Variants in FHAD1 observed in about 807,000 individuals in gnomAD.
FHAD1 encodes forkhead associated phosphopeptide binding domain 1, also known as forkhead-associated domain-containing protein 1.
FHAD1 carries 146 observed loss-of-function variants against 191.3 expected under a neutral mutation model. The ratio of observed to expected loss-of-function variants is 0.76; its 90% confidence interval spans 0.67 to 0.88. The LOEUF is 0.88. Among genes scored for constraint, FHAD1 ranks in the 40% least tolerant of loss-of-function variants. The pLI is 0.00. For missense variants in FHAD1, 1,635 were observed against 1,785.8 expected (o/e 0.92, Z 1.52); for synonymous variants, 616 against 672.3 (o/e 0.92, Z 1.29).
chr1:15,351,724 T>A (rs1690945014), intron 19 of FHAD1, among the ~76,000 whole-genome samples: 1 of 152,052 alleles, frequency 6.6e-6, no homozygotes, highest in South Asian at 2.1e-4. Context: ...TGGGTGACCT[T>A]GTAGGACAGG....
chr1:15,349,239 AG>A lies in FHAD1; in HGVS notation c.2454+91del. ...CAGTGGGAAATCGGGCAGATATCAGAGCCATGCCTCCCTTTGAAGTGGCCAA... is the reference window on the plus strand; with the variant it reads ...CAGTGGGAAATCGGGCAGATATCAGACCATGCCTCCCTTTGAAGTGGCCAA... On this transcript the variant is annotated intron_variant, in intron 19 of 33. Coordinates refer to ENST00000688493, the MANE Select transcript of FHAD1 (RefSeq NM_001391957.1). 4.0e-6 allele frequency: 4 copies of A among 1,003,376 alleles called. No individual in the cohort carries two copies. In the South Asian group the frequency reaches 5.9e-5, roughly 15 times the overall value. The allele number at this position is 1,003,376 out of a possible 1,614,324, so 62.2% of individuals were successfully genotyped here. A position where few individuals can be genotyped will look rare whatever the true frequency, so the allele number is the denominator to read the frequency against.
intron 3 of FHAD1, among the ~76,000 whole-genome samples, chr1:15,279,577 A>G (rs1044277028): frequency 2.2e-5 from 3 of 138,314 alleles, no homozygotes; most frequent in African/African-American, 7.8e-5. Flanking sequence ...AAAAAAAAGG[A>G]ATCTCTTTCA....
intron 3 of FHAD1, among the ~76,000 whole-genome samples, chr1:15,280,824 A>T (rs1386100923): frequency 6.6e-6 from 1 of 152,240 alleles, no homozygotes; most frequent in Non-Finnish European, 1.5e-5. Context: ...GAAATGAATT[A>T]GAACTTAAAG....
intron 14 of FHAD1, chr1:15,335,510 A>G (rs1373129835): frequency 2.0e-5 from 3 of 152,002 alleles, no homozygotes; most frequent in Admixed American, 6.6e-5. Flanking sequence ...GTATCTGAGC[A>G]AAAGAACAAC....
chr1:15,366,486 T>C (rs867584404), intron 24 of FHAD1, among the ~76,000 whole-genome samples: 28 of 152,178 alleles, frequency 1.8e-4, no homozygotes, highest in African/African-American at 6.3e-4. Context: ...ACCTCTGCAC[T>C]GAAATGCAAC....
At chr1:15,401,341 C>T (rs899535549), downstream of FHAD1, among the ~76,000 whole-genome samples, 6 of 152,184 alleles carry the variant, frequency 3.9e-5, no homozygotes, top group Non-Finnish European at 8.8e-5. Flanking sequence ...CGACGCTCTG[C>T]TACACAGCCC....
chr1:15,369,207 G>C (rs1697405874), intron 25 of FHAD1, among the ~76,000 whole-genome samples, 163 bp from the exon 26 acceptor site: 1 of 152,182 alleles, frequency 6.6e-6, no homozygotes, highest in African/African-American at 2.4e-5. Flanking sequence ...TCTCCCATAA[G>C]TCCCCTGAAA....
At chr1:15,380,580 C>A in intron 28 of FHAD1, 121 bp from the exon 29 acceptor site, 1 of 733,554 alleles carries the variant, frequency 1.4e-6, no homozygotes, top group Non-Finnish European at 2.3e-6. Flanking sequence ...ATGATCAGGA[C>A]GCGGACTGAA....
chr1:15,339,468 C>T lies in FHAD1; in HGVS notation c.1907-13C>T. 8.2e-7 allele frequency: 1 copy of T among 1,216,278 alleles called. No individual in the cohort carries two copies. Among genetic ancestry groups the T allele is most frequent in the East Asian group, 5.7e-5 (1 of 17,576 alleles). 75.3% of individuals were successfully genotyped at this position (1,216,278 alleles called of 1,614,324 possible). A position where few individuals can be genotyped will look rare whatever the true frequency, so the allele number is the denominator to read the frequency against. ...ATTGATACTTACATTCTTCCTGCTT[C>T]TCTTTTTTTAAGGGTTCTCTTTGTA... On this transcript the variant is annotated splice_polypyrimidine_tract_variant and intron_variant, in intron 14 of 33. Transcript: ENST00000688493.
chr1:15,343,091 C>T (rs1414480164), intron 16 of FHAD1, among the ~76,000 whole-genome samples: 1 of 152,128 alleles, frequency 6.6e-6, no homozygotes, highest in East Asian at 1.9e-4. Flanking sequence ...AGCCACCATA[C>T]CTGAGGGTTG....
chr1:15,401,996 G>A (rs1459005930), downstream of FHAD1, among the ~76,000 whole-genome samples: 1 of 152,228 alleles, frequency 6.6e-6, no homozygotes, highest in Non-Finnish European at 1.5e-5. Context: ...GTTGGGGGAA[G>A]CATTAACAGG....
intron 23 of FHAD1, among the ~76,000 whole-genome samples, chr1:15,365,266 G>A (rs1464361205): frequency 1.3e-5 from 2 of 152,108 alleles, no homozygotes; most frequent in Non-Finnish European, 2.9e-5. Context: ...TCTCATGCAA[G>A]GCATGTTTGA....
chr1:15,369,318 AGTAATTT>A, intron 25 of FHAD1, 45 bp from the exon 26 acceptor site: 1 of 1,546,036 alleles, frequency 6.5e-7, no homozygotes, highest in South Asian at 1.2e-5. Flanking sequence ...TGAGTGTAAA[AGTAATTT>A]GTGGTTTCCA....
At chr1:15,344,273 T>C (rs1230502973) in intron 16 of FHAD1, among the ~76,000 whole-genome samples, 2 of 152,236 alleles carry the variant, frequency 1.3e-5, no homozygotes, top group African/African-American at 4.8e-5. Context: ...CGAAAATACA[T>C]GTGTCCAGGG....
intron 23 of FHAD1, 111 bp from the exon 24 acceptor site, chr1:15,365,716 C>T: frequency 1.5e-6 from 1 of 675,624 alleles, no homozygotes; most frequent in Non-Finnish European, 2.6e-6. Flanking sequence ...ACTGGCGTTG[C>T]ATGGACCGTG....
At position 15,272,415 on chromosome 1, in the gene FHAD1, G is replaced by A. The variant is rs915800574; in HGVS notation, c.186G>A (p.Thr62=). Residue 62 remains threonine, a synonymous_variant, in exon 3 of 34, where the codon ACG becomes ACA. Coordinates refer to ENST00000688493, the MANE Select transcript of FHAD1 (RefSeq NM_001391957.1). ...VLQDFNSRNG[T]FVNECHIQNV... Reference sequence around the variant, plus strand: ...AGGACTTCAATTCCCGCAACGGCACGTTTGTCAACGAGTGCCACATTCAAA... The same window carrying A: ...AGGACTTCAATTCCCGCAACGGCACATTTGTCAACGAGTGCCACATTCAAA... The A allele has an allele frequency of 2.8e-5, 44 of 1,551,708 alleles. No individual in the cohort carries two copies. Among genetic ancestry groups the A allele is most frequent in the Admixed American group, 1.8e-4 (9 of 51,006 alleles).
chr1:15,310,137 G>A (rs1460488237), intron 7 of FHAD1, among the ~76,000 whole-genome samples: 3 of 152,204 alleles, frequency 2.0e-5, no homozygotes, highest in African/African-American at 7.2e-5. Flanking sequence ...AAAAGCAGGT[G>A]GTGGAGAGGG....
chr1:15,339,404 C>T (rs1474255665), intron 14 of FHAD1, 77 bp from the exon 15 acceptor site: 11 of 608,990 alleles, frequency 1.8e-5, no homozygotes, highest in Middle Eastern at 6.3e-4. Context: ...GGGATGGCAA[C>T]GTTGCTTTCA....
At chr1:15,324,806 G>A in intron 11 of FHAD1, 1 of 503,524 alleles carries the variant, frequency 2.0e-6, no homozygotes, top group Non-Finnish European at 3.6e-6. Flanking sequence ...GGACCAGGCA[G>A]CCAATCCCGG....
Sources: allele counts gnomAD v4.1 joint callset (sites outside exome capture counted in the v4.1 genomes callset), GRCh38; gene constraint gnomAD v4.1.1; transcripts MANE v1.5; gene names NCBI Gene and HGNC (gene_info 2026-07-23, HGNC 2026-07-21).